The following RERE variants were observed in gnomAD, a reference collection of about 807,000 sequenced individuals.
RERE encodes arginine-glutamic acid dipeptide repeats protein.
Under a neutral mutation model 146.1 loss-of-function variants are expected in RERE, and 40 were observed. The observed-to-expected ratio is 0.27, with a 90% CI of 0.21 to 0.36. The LOEUF (loss-of-function observed/expected upper bound fraction) is 0.36. Ranked by LOEUF, RERE falls within the 10% of genes least tolerant of loss-of-function variation. The pLI is 1.00. For synonymous variants in RERE, 1,003 were observed against 866.0 expected (o/e 1.16, Z -2.78); for missense variants, 1,933 against 2,138.7 (o/e 0.90, Z 1.90).
At chr1:8,666,775 G>A (rs1048995429) in intron 1 of RERE, among the ~76,000 whole-genome samples, 1 of 152,200 alleles carries the variant, frequency 6.6e-6, no homozygotes, top group Non-Finnish European at 1.5e-5. Context: ...CTTTTTATCT[G>A]AAAGTTATGT....
intron 11 of RERE, among the ~76,000 whole-genome samples, chr1:8,436,740 C>A (rs1195496999): frequency 2.6e-5 from 4 of 152,116 alleles, no homozygotes; most frequent in East Asian, 1.9e-4. Context: ...CTAAAAAGAT[C>A]AAAAATATTA....
chr1:8,358,623 G>GAGCTCCCGC lies in RERE; in HGVS notation c.3903_3911dup (p.Leu1304_Glu1306dup). ...CCCGCTCTCGGATCTCCCGCTCCCGGAGCTCCCGCTCGCGGATGGTGGGGT... is the reference window on the plus strand; with the variant it reads ...CCCGCTCTCGGATCTCCCGCTCCCGGAGCTCCCGCAGCTCCCGCTCGCGGATGGTGGGGT... On this transcript the variant is annotated inframe_insertion, in exon 20 of 23. Coordinates refer to ENST00000400908, the MANE Select transcript of RERE (RefSeq NM_001042681.2). 3.8e-6 allele frequency: 6 copies of GAGCTCCCGC among 1,591,598 alleles called. No individual in the cohort carries two copies. The highest frequency in any genetic ancestry group is 5.1e-6 in the Non-Finnish European group (6 of 1,169,932).
chr1:8,382,459 T>C (rs1040601080), intron 12 of RERE, among the ~76,000 whole-genome samples: 8 of 152,384 alleles, frequency 5.2e-5, no homozygotes, highest in South Asian at 2.1e-4. Context: ...TGCGTGTGCA[T>C]GAGAGAGCGC....
At chr1:8,441,422 C>T (rs1042925762) in intron 11 of RERE, among the ~76,000 whole-genome samples, 1 of 152,212 alleles carries the variant, frequency 6.6e-6, no homozygotes, top group Admixed American at 6.5e-5. Context: ...CCCCCGCTCC[C>T]ATCTGGAAGG....
chr1:8,713,302 A>AT (rs781543783), intron 1 of RERE, among the ~76,000 whole-genome samples: 27 of 152,358 alleles, frequency 1.8e-4, no homozygotes, highest in Non-Finnish European at 3.8e-4. Context: ...TTATACTAAT[A>AT]TTAATTATTA....
At chr1:8,569,200 A>G (rs995825052) in intron 4 of RERE, among the ~76,000 whole-genome samples, 8 of 152,054 alleles carry the variant, frequency 5.3e-5, no homozygotes, top group Admixed American at 4.6e-4. Context: ...AGAAATTGTC[A>G]AATTCCCCCT....
intron 1 of RERE, among the ~76,000 whole-genome samples, chr1:8,702,759 G>T (rs940464593): frequency 6.6e-6 from 1 of 152,032 alleles, no homozygotes; most frequent in African/African-American, 2.4e-5. Context: ...TTTTTAAATA[G>T]TGTTTTCTCT....
At chr1:8,476,484 G>T (rs909378680) in intron 10 of RERE, among the ~76,000 whole-genome samples, 1 of 152,094 alleles carries the variant, frequency 6.6e-6, no homozygotes, top group Non-Finnish European at 1.5e-5. Context: ...GGAAAGGAGG[G>T]AGCCAGCAGC....
intron 1 of RERE, among the ~76,000 whole-genome samples, chr1:8,738,183 C>T (rs1640237472): frequency 6.6e-6 from 1 of 152,210 alleles, no homozygotes; most frequent in African/African-American, 2.4e-5. Flanking sequence ...ACCTCTCCTC[C>T]AAGATCCAGC....
intron 4 of RERE, among the ~76,000 whole-genome samples, chr1:8,591,325 G>A (rs1646490204): frequency 6.6e-6 from 1 of 151,988 alleles, no homozygotes; most frequent in African/African-American, 2.4e-5. Context: ...AGAGAAAGAT[G>A]GTGTAAAAGC....
intron 12 of RERE, among the ~76,000 whole-genome samples, chr1:8,384,979 G>A (rs1473643383): frequency 6.6e-6 from 1 of 152,152 alleles, no homozygotes. Context: ...CAAGTCTCTC[G>A]TGCTTGCACC....
At chr1:8,813,731 C>T (rs1411925350) in intron 1 of RERE, among the ~76,000 whole-genome samples, 3 of 151,368 alleles carry the variant, frequency 2.0e-5, no homozygotes, top group Non-Finnish European at 4.4e-5. Flanking sequence ...TATCGTGCCT[C>T]AGCCCCCCAA....
rs903974515 is a variant in RERE, at chr1:8,817,162, T to A, written c.-147A>T. On this transcript the variant is annotated splice_region_variant and 5_prime_UTR_variant, in exon 1 of 23. Transcript: ENST00000400908. ...GCGCGGGCAAGTTGGACACTTACCT[T>A]CCCCTAAAGCGCTACACCATCAATA... The A allele has an allele frequency of 6.6e-6, 1 of 152,158 alleles. No individual in the cohort carries two copies. The highest frequency in any genetic ancestry group is 1.5e-5 in the Non-Finnish European group (1 of 68,060). The allele number at this position is 152,158 out of a possible 1,614,324, so 9.4% of individuals were successfully genotyped here. A position where few individuals can be genotyped will look rare whatever the true frequency, so the allele number is the denominator to read the frequency against.
Position 8,354,625 on chromosome 1 carries a change from AT to A in RERE, c.*461del, listed in dbSNP as rs61055963. On this transcript the variant is annotated 3_prime_UTR_variant, in exon 23 of 23. Transcript: ENST00000400908. ...TTCCTACAATGTATTAAAATAAAAGATTTTTTTTTTTAAAAATTATAGCTCT... is the reference window on the plus strand; with the variant it reads ...TTCCTACAATGTATTAAAATAAAAGATTTTTTTTTTAAAAATTATAGCTCT... The A allele has an allele frequency of 0.27, 40,722 of 152,426 alleles. 7,239 individuals carry two copies. The highest frequency in any genetic ancestry group is 0.51 in the African/African-American group (20,868 of 41,222). 9.4% of individuals were successfully genotyped at this position (152,426 alleles called of 1,614,324 possible).
chr1:8,372,658 C>T (rs1211564700), intron 12 of RERE, among the ~76,000 whole-genome samples: 4 of 152,180 alleles, frequency 2.6e-5, no homozygotes, highest in Admixed American at 6.5e-5. Context: ...CACAGTTTTA[C>T]GACCAACAGC....
chr1:8,358,050 T>C lies in RERE; in HGVS notation c.4339+146A>G, dbSNP rs116492465. ...CGATACAGCAAAACCATGACGGTAG[T>C]GGATGCTGAGCTCTTCTAAGATCTG... is the stretch of plus-strand genomic sequence containing the variant. On this transcript the variant is annotated intron_variant, in intron 20 of 22. Coordinates refer to ENST00000400908, the MANE Select transcript of RERE (RefSeq NM_001042681.2). 18 of 1,393,424 alleles carry C rather than the reference T, an allele frequency of 1.3e-5. No homozygotes were observed. In the East Asian group the frequency reaches 2.1e-4, roughly 16 times the overall value. 86.3% of individuals were successfully genotyped at this position (1,393,424 alleles called of 1,614,324 possible).
At chr1:8,409,760 CT>C (rs1359898189) in intron 12 of RERE, among the ~76,000 whole-genome samples, 1 of 152,160 alleles carries the variant, frequency 6.6e-6, no homozygotes, top group Non-Finnish European at 1.5e-5. Flanking sequence ...GAGAAATTAA[CT>C]GGTGCTAAGA....
rs1258432484 is a variant in RERE, at chr1:8,354,098, G to C, written c.*989C>G. ...TCAAGTGTGTGTACACAGAAATCTAGAAGGAAATCTACAATGGACACAGGC... is the reference window on the plus strand; with the variant it reads ...TCAAGTGTGTGTACACAGAAATCTACAAGGAAATCTACAATGGACACAGGC... On this transcript the variant is annotated 3_prime_UTR_variant, in exon 23 of 23. Transcript: ENST00000400908. 6.6e-6 allele frequency: 1 copy of C among 152,502 alleles called. No homozygotes were observed. The highest frequency in any genetic ancestry group is 1.5e-5 in the Non-Finnish European group (1 of 68,046). 9.4% of individuals were successfully genotyped at this position (152,502 alleles called of 1,614,324 possible).
At chr1:8,516,308 T>TAG (rs1315533519) in intron 7 of RERE, among the ~76,000 whole-genome samples, 1 of 149,836 alleles carries the variant, frequency 6.7e-6, no homozygotes, top group Non-Finnish European at 1.5e-5. Context: ...TAGCTATCAA[T>TAG]TACTAAGTGC....
Sources: gnomAD v4.1 joint callset for allele counts (sites outside exome capture counted in the v4.1 genomes callset) on GRCh38, gnomAD v4.1.1 for gene constraint, MANE v1.5 for transcripts, NCBI Gene and HGNC (gene_info 2026-07-23, HGNC 2026-07-21) for gene names.